UNC5C: variants seen among roughly 807,000 people sequenced by gnomAD.
UNC5C encodes unc-5 netrin receptor C, also known as netrin receptor UNC5C.
UNC5C carries 47 observed loss-of-function variants against 99.8 expected under a neutral mutation model. That is an observed-to-expected ratio of 0.47 (90% CI 0.37 to 0.60). The LOEUF is 0.60. Among genes scored for constraint, UNC5C ranks in the 20% least tolerant of loss-of-function variants. UNC5C has a pLI of 0.00. For missense variants in UNC5C, 1,062 were observed against 1,165.9 expected, an observed-to-expected ratio of 0.91 and a Z score of 1.30; for synonymous variants, 487 against 452.2, an observed-to-expected ratio of 1.08 and a Z score of -0.98.
At chr4:95,451,750 T>G (rs1747284391) in intron 1 of UNC5C, among the ~76,000 whole-genome samples, 1 of 152,200 alleles carries the variant, frequency 6.6e-6, no homozygotes, top group African/African-American at 2.4e-5. Context: ...CAAGAAAGAA[T>G]TCTTTTGATA....
At chr4:95,344,859 CAAAG>C (rs1245832080) in intron 1 of UNC5C, among the ~76,000 whole-genome samples, 2 of 151,512 alleles carry the variant, frequency 1.3e-5, no homozygotes, top group South Asian at 2.1e-4. Context: ...AAATAAAAAA[CAAAG>C]AAATTTAAAA....
At chr4:95,409,036 T>C (rs571903504) in intron 1 of UNC5C, among the ~76,000 whole-genome samples, 1 of 152,320 alleles carries the variant, frequency 6.6e-6, no homozygotes, top group South Asian at 2.1e-4. Flanking sequence ...CAAGTTAGTT[T>C]TTTTAAATAA....
chr4:95,231,025 A>C (rs1738893302), intron 7 of UNC5C, among the ~76,000 whole-genome samples: 1 of 152,170 alleles, frequency 6.6e-6, no homozygotes, highest in East Asian at 1.9e-4. Flanking sequence ...AACTAATGCC[A>C]GGGCCTAAAA....
chr4:95,278,405 C>T (rs752807166), intron 3 of UNC5C, 43 bp from the exon 4 acceptor site: 2 of 1,515,212 alleles, frequency 1.3e-6, no homozygotes, highest in Non-Finnish European at 1.8e-6. Flanking sequence ...AATTAAACAA[C>T]ATTTTCTCAT....
chr4:95,268,238 C>A (rs1046228588), intron 4 of UNC5C, among the ~76,000 whole-genome samples: 1 of 152,176 alleles, frequency 6.6e-6, no homozygotes, highest in Non-Finnish European at 1.5e-5. Flanking sequence ...CGCGCCCGGC[C>A]TGTGATTTCT....
At chr4:95,447,399 A>C (rs894695825) in intron 1 of UNC5C, among the ~76,000 whole-genome samples, 1 of 152,234 alleles carries the variant, frequency 6.6e-6, no homozygotes, top group African/African-American at 2.4e-5. Flanking sequence ...ATAGACAAGG[A>C]AAGTTATATT....
chr4:95,539,577 T>C (rs1303492671), intron 1 of UNC5C, among the ~76,000 whole-genome samples: 1 of 152,222 alleles, frequency 6.6e-6, no homozygotes, highest in East Asian at 1.9e-4. Context: ...TAGACTCCAT[T>C]GGTTTTTTGA....
At chr4:95,469,717 G>A (rs1747908091) in intron 1 of UNC5C, among the ~76,000 whole-genome samples, 1 of 151,988 alleles carries the variant, frequency 6.6e-6, no homozygotes, top group Admixed American at 6.6e-5. Context: ...TCTGCTTCTT[G>A]GGAGCACTTT....
chr4:95,341,181 A>G (rs1284939822), intron 1 of UNC5C, among the ~76,000 whole-genome samples: 2 of 151,564 alleles, frequency 1.3e-5, no homozygotes, highest in Non-Finnish European at 1.5e-5. Flanking sequence ...GTGTAAATAC[A>G]TATGTACGAA....
intron 1 of UNC5C, among the ~76,000 whole-genome samples, chr4:95,517,747 C>T (rs1232381222): frequency 6.6e-6 from 1 of 152,130 alleles, no homozygotes; most frequent in Non-Finnish European, 1.5e-5. Flanking sequence ...GGCATGATCA[C>T]GTTTCTGTTA....
chr4:95,446,719 C>A (rs1371042374), intron 1 of UNC5C, among the ~76,000 whole-genome samples: 1 of 152,178 alleles, frequency 6.6e-6, no homozygotes, highest in African/African-American at 2.4e-5. Flanking sequence ...AGTGGTTACA[C>A]ACTGCGTTTC....
chr4:95,324,502 C>A (rs1742816369), intron 2 of UNC5C, among the ~76,000 whole-genome samples: 1 of 152,030 alleles, frequency 6.6e-6, no homozygotes, highest in Non-Finnish European at 1.5e-5. Context: ...CTAAATCATC[C>A]CCCTCCCACT....
At chr4:95,398,796 T>C (rs1323713645) in intron 1 of UNC5C, among the ~76,000 whole-genome samples, 6 of 152,192 alleles carry the variant, frequency 3.9e-5, no homozygotes, top group African/African-American at 1.4e-4. Flanking sequence ...TTTTAATTGG[T>C]AGCAAAAAAC....
intron 1 of UNC5C, among the ~76,000 whole-genome samples, chr4:95,481,396 G>T (rs1038311808): frequency 6.6e-6 from 1 of 151,866 alleles, no homozygotes; most frequent in African/African-American, 2.4e-5. Context: ...CATGCTCATG[G>T]GTAGGAAGAA....
At chr4:95,411,393 G>A (rs1745989031) in intron 1 of UNC5C, among the ~76,000 whole-genome samples, 2 of 152,096 alleles carry the variant, frequency 1.3e-5, no homozygotes, top group African/African-American at 4.8e-5. Context: ...TCTTCTTTTG[G>A]GTGGCCACAT....
intron 12 of UNC5C, among the ~76,000 whole-genome samples, chr4:95,194,762 G>A (rs973205351): frequency 1.3e-5 from 2 of 152,172 alleles, no homozygotes; most frequent in Admixed American, 6.5e-5. Flanking sequence ...TTGCCATGTA[G>A]GGTAAAATAC....
chr4:95,221,925 T>C (rs751725486), intron 7 of UNC5C, among the ~76,000 whole-genome samples: 1 of 152,234 alleles, frequency 6.6e-6, no homozygotes, highest in Non-Finnish European at 1.5e-5. Flanking sequence ...GTTTTGGTAT[T>C]TGAACCCTGC....
At chr4:95,473,984 G>A (rs1401937637) in intron 1 of UNC5C, among the ~76,000 whole-genome samples, 1 of 152,020 alleles carries the variant, frequency 6.6e-6, no homozygotes, top group African/African-American at 2.4e-5. Flanking sequence ...TTTTTCTTCA[G>A]CCTTCAATTT....
intron 12 of UNC5C, among the ~76,000 whole-genome samples, chr4:95,195,723 C>T (rs1182649611): frequency 6.6e-6 from 1 of 152,150 alleles, no homozygotes; most frequent in African/African-American, 2.4e-5. Context: ...GAGCATCACA[C>T]AATTCTCAAC....
Sources: allele counts gnomAD v4.1 joint callset (sites outside exome capture counted in the v4.1 genomes callset), GRCh38; gene constraint gnomAD v4.1.1; transcripts MANE v1.5; gene names NCBI Gene and HGNC (gene_info 2026-07-23, HGNC 2026-07-21).